Variants in STRN3 observed in about 807,000 individuals in gnomAD.
STRN3 encodes the protein striatin 3.
In STRN3, 29 loss-of-function variants were observed where a neutral mutation model predicts 95.6. The ratio of observed to expected loss-of-function variants is 0.30; its 90% CI spans 0.23 to 0.41. The LOEUF (loss-of-function observed/expected upper bound fraction) is 0.41. Ranked by LOEUF, STRN3 falls within the 10% of genes least tolerant of loss-of-function variation. The probability of loss-of-function intolerance (pLI) is 1.00; values close to 1 mark genes in which losing one functional copy is unlikely to be tolerated. For missense variants in STRN3, 890 were observed against 972.1 expected (o/e 0.92, Z 1.12); for synonymous variants, 331 against 357.6 (o/e 0.93, Z 0.84).
intron 8 of STRN3, among the ~76,000 whole-genome samples, chr14:30,926,782 G>C (rs1180505786): frequency 6.6e-6 from 1 of 152,066 alleles, no homozygotes; most frequent in African/African-American, 2.4e-5. Flanking sequence ...TAGAGAGTAA[G>C]ATGTTATTGA....
chr14:30,943,436 C>CA (rs1879188099), intron 5 of STRN3, among the ~76,000 whole-genome samples: 1 of 152,018 alleles, frequency 6.6e-6, no homozygotes, highest in Non-Finnish European at 1.5e-5. Flanking sequence ...CCTGTCTCTA[C>CA]AAAAACTTAA....
In STRN3 at chr14:30,900,765, A is replaced by AT. The variant is rs1487041324; in HGVS notation, c.2137+1770dup. Among the ~76,000 whole-genome samples the AT allele has an allele frequency of 2.4e-3, 355 of 148,588 alleles. 7 individuals carry two copies. In the East Asian group the frequency reaches 0.034, roughly 14 times the overall value. ...ACTGGCTCAAAAAAAAAAAAAAAGG[A>AT]TTTTTTTTTCTATTATTTGGAGCCT... On this transcript the variant is annotated intron_variant, in intron 16 of 17. Coordinates refer to ENST00000357479, the MANE Select transcript of STRN3 (RefSeq NM_001083893.2).
chr14:30,991,765 G>A (rs181117555), intron 1 of STRN3, among the ~76,000 whole-genome samples: 6 of 152,018 alleles, frequency 3.9e-5, no homozygotes, highest in African/African-American at 7.2e-5. Flanking sequence ...ACATAAAACC[G>A]AAAGGTTAGA....
chr14:30,921,793 A>G (rs140887699), intron 8 of STRN3, among the ~76,000 whole-genome samples: 207 of 152,360 alleles, frequency 1.4e-3, no homozygotes, highest in African/African-American at 4.6e-3. Context: ...AGCACTAATT[A>G]AATAAAAACT....
At chr14:30,900,216 A>G (rs2138945479) in intron 16 of STRN3, among the ~76,000 whole-genome samples, 1 of 151,758 alleles carries the variant, frequency 6.6e-6, no homozygotes, top group Admixed American at 6.6e-5. Context: ...AAAATTAGAC[A>G]GGCGTGGTAG....
At chr14:30,906,222 A>C (rs1896457204) in intron 14 of STRN3, among the ~76,000 whole-genome samples, 1 of 152,214 alleles carries the variant, frequency 6.6e-6, no homozygotes, top group African/African-American at 2.4e-5. Context: ...GGATAACTGA[A>C]AATTAGTACA....
chr14:30,913,507 A>G lies in STRN3; in HGVS notation c.1374+17T>C. 2 of 1,567,630 alleles carry G rather than the reference A, an allele frequency of 1.3e-6. No homozygotes were observed. The highest frequency in any genetic ancestry group is 1.2e-5 in the South Asian group (1 of 80,902). On this transcript the variant is annotated intron_variant, in intron 10 of 17. Transcript: ENST00000357479. ...TCTATTAAATCATTAAAAAATTAAA[A>G]ATAAAACTGCACTTACATCATAACT...
intron 1 of STRN3, among the ~76,000 whole-genome samples, chr14:30,967,261 G>C (rs1880566572): frequency 7.1e-6 from 1 of 141,346 alleles, no homozygotes; most frequent in Non-Finnish European, 1.5e-5. Flanking sequence ...GAGAGGCAGA[G>C]AGAGGGGGGA....
At chr14:30,928,732 T>C (rs1236968775) in intron 8 of STRN3, among the ~76,000 whole-genome samples, 1 of 152,130 alleles carries the variant, frequency 6.6e-6, no homozygotes, top group Non-Finnish European at 1.5e-5. Flanking sequence ...GCTATTGTTG[T>C]TGTTAGTAGT....
intron 1 of STRN3, among the ~76,000 whole-genome samples, chr14:31,022,107 C>T (rs1219086849): frequency 6.6e-6 from 1 of 152,098 alleles, no homozygotes; most frequent in Non-Finnish European, 1.5e-5. Flanking sequence ...CGGCCGGGCG[C>T]GGTGGTTCAC....
intron 12 of STRN3, 114 bp from the exon 13 acceptor site, chr14:30,911,276 C>A: frequency 8.4e-5 from 74 of 885,736 alleles, no homozygotes; most frequent in Non-Finnish European, 1.0e-4. Context: ...TTTAAGAGAA[C>A]ATGTACACCT....
At chr14:30,993,749 G>A (rs914777351) in intron 1 of STRN3, among the ~76,000 whole-genome samples, 7 of 151,098 alleles carry the variant, frequency 4.6e-5, no homozygotes, top group Admixed American at 3.9e-4. Context: ...GTGCGATCTC[G>A]GCTCACTGCA....
chr14:30,966,869 C>A (rs1880538786), intron 1 of STRN3, among the ~76,000 whole-genome samples: 1 of 152,064 alleles, frequency 6.6e-6, no homozygotes, highest in Admixed American at 6.6e-5. Context: ...CTAATTCTCC[C>A]TTAGGGGAGC....
chr14:30,977,460 G>C (rs1490766916), intron 1 of STRN3, among the ~76,000 whole-genome samples: 1 of 151,594 alleles, frequency 6.6e-6, no homozygotes, highest in Non-Finnish European at 1.5e-5. Context: ...GAAAGGGGAA[G>C]AAAGAGGAAG....
chr14:30,964,474 G>C lies in STRN3; in HGVS notation c.283-8232C>G, dbSNP rs575375745. 4.5e-5 allele frequency: 7 copies of C among 155,862 alleles called. No individual in the cohort carries two copies. The East Asian group carries it at 5.8e-4, about 13-fold the overall frequency. The allele number at this position is 155,862 out of a possible 1,614,324, so 9.7% of individuals were successfully genotyped here. A position where few individuals can be genotyped will look rare whatever the true frequency, so the allele number is the denominator to read the frequency against. ...AGGTTTTGCAGCAATTGTTGCAGTG[G>C]ATATACAAATTGAAGAACAGGAGAA... is the stretch of plus-strand genomic sequence containing the variant. On this transcript the variant is annotated intron_variant, in intron 1 of 17. Coordinates refer to ENST00000357479, the MANE Select transcript of STRN3 (RefSeq NM_001083893.2).
At chr14:30,903,462 T>C (rs991479571) in intron 15 of STRN3, among the ~76,000 whole-genome samples, 2 of 152,202 alleles carry the variant, frequency 1.3e-5, no homozygotes, top group African/African-American at 4.8e-5. Context: ...AGTGCAATGG[T>C]GCAATCATAG....
intron 1 of STRN3, among the ~76,000 whole-genome samples, chr14:30,997,887 A>T (rs983288419): frequency 1.6e-4 from 25 of 152,220 alleles, no homozygotes; most frequent in African/African-American, 4.6e-4. Context: ...AAAACATGGC[A>T]AAGTTGTAAA....
intron 1 of STRN3, among the ~76,000 whole-genome samples, chr14:31,019,892 T>C (rs575581269): frequency 6.6e-6 from 1 of 151,156 alleles, no homozygotes; most frequent in African/African-American, 2.4e-5. Flanking sequence ...TTTTCTTTTT[T>C]TTTTTTTTCT....
At chr14:30,923,453 G>C (rs1223002233) in intron 8 of STRN3, among the ~76,000 whole-genome samples, 2 of 152,060 alleles carry the variant, frequency 1.3e-5, no homozygotes, top group Non-Finnish European at 2.9e-5. Context: ...TAGCAATTCT[G>C]CAACACCAGT....
Sources: allele counts gnomAD v4.1 joint callset (sites outside exome capture counted in the v4.1 genomes callset), GRCh38; gene constraint gnomAD v4.1.1; transcripts MANE v1.5; gene names NCBI Gene and HGNC (gene_info 2026-07-23, HGNC 2026-07-21).